MOSMO: variants seen among roughly 807,000 people sequenced by gnomAD.
MOSMO encodes the protein modulator of smoothened.
In MOSMO, 5 loss-of-function variants were observed where a neutral mutation model predicts 18.4. The ratio of observed to expected loss-of-function variants is 0.27; its 90% CI spans 0.14 to 0.57. The LOEUF is 0.57. Ranked by LOEUF, MOSMO falls within the 20% of genes least tolerant of loss-of-function variation. The probability of loss-of-function intolerance (pLI) is 0.92; values close to 1 mark genes in which losing one functional copy is unlikely to be tolerated. For synonymous variants in MOSMO, 82 were observed against 82.3 expected (o/e 1.00, Z 0.02); for missense variants, 138 against 211.8 (o/e 0.65, Z 2.16).
rs372127008 is a variant in MOSMO, at chr16:22,037,793, G to A, written c.106+29386G>A. Among the ~76,000 whole-genome samples, 15 of 152,254 alleles carry A rather than the reference G, an allele frequency of 9.9e-5. 1 individual carries two copies. The East Asian group carries it at 1.2e-3, about 12-fold the overall frequency. On this transcript the variant is annotated intron_variant, in intron 1 of 2. Coordinates refer to ENST00000542527, the MANE Select transcript of MOSMO (RefSeq NM_001164579.2). ...TAGGGCAAGGCATGTGGGAAGGGGC[G>A]GGAAGCTTCCGTGCCCTCTCCTGGC...
At chr16:22,022,906 T>TCTC in intron 1 of MOSMO, among the ~76,000 whole-genome samples, 1 of 152,328 alleles carries the variant, frequency 6.6e-6, no homozygotes, top group Non-Finnish European at 1.5e-5. Flanking sequence ...TAATTGCTTT[T>TCTC]AAGCCACCTG....
At chr16:22,043,057 G>A (rs1900240382) in intron 1 of MOSMO, among the ~76,000 whole-genome samples, 1 of 152,076 alleles carries the variant, frequency 6.6e-6, no homozygotes, top group Non-Finnish European at 1.5e-5. Flanking sequence ...ATTAACAGTG[G>A]GACTATTGAC....
intron 1 of MOSMO, among the ~76,000 whole-genome samples, chr16:22,034,771 T>G (rs1204818427): frequency 7.0e-6 from 1 of 142,760 alleles, no homozygotes; most frequent in Non-Finnish European, 1.6e-5. Flanking sequence ...TTTTTTTTTT[T>G]TTTAAAGACA....
At chr16:22,013,669 A>C (rs1193839573) in intron 1 of MOSMO, among the ~76,000 whole-genome samples, 3 of 152,066 alleles carry the variant, frequency 2.0e-5, no homozygotes, top group Non-Finnish European at 4.4e-5. Flanking sequence ...GATTTGCCTT[A>C]TGTTCTTTAT....
chr16:22,092,044 TG>T (rs1430175297), downstream of MOSMO, among the ~76,000 whole-genome samples: 1 of 152,186 alleles, frequency 6.6e-6, no homozygotes, highest in Non-Finnish European at 1.5e-5. Context: ...TAGGAACCAC[TG>T]TGGCAGATGA....
rs549389825 is a variant in MOSMO, at chr16:22,018,055, G to A, written c.106+9648G>A. On this transcript the variant is annotated intron_variant, in intron 1 of 2. Transcript: ENST00000542527. Reference sequence around the variant, plus strand: ...GAATCACTGCTTTTTTTTTTAATTAGCAAAAGGCTGCACTTTGTGTGTCTC... The same window carrying A: ...GAATCACTGCTTTTTTTTTTAATTAACAAAAGGCTGCACTTTGTGTGTCTC... Among the ~76,000 whole-genome samples, 160 of 151,700 alleles carry A rather than the reference G, an allele frequency of 1.1e-3. 1 individual carries two copies. The highest frequency in any genetic ancestry group is 3.7e-3 in the African/African-American group (154 of 41,344).
chr16:22,048,959 C>G (rs1474528385), intron 1 of MOSMO, among the ~76,000 whole-genome samples: 1 of 152,050 alleles, frequency 6.6e-6, no homozygotes, highest in East Asian at 1.9e-4. Context: ...AGCCCTTTTT[C>G]TCCCCTGATA....
chr16:22,031,113 G>T (rs570130538), intron 1 of MOSMO, among the ~76,000 whole-genome samples: 2 of 152,174 alleles, frequency 1.3e-5, no homozygotes, highest in Non-Finnish European at 2.9e-5. Flanking sequence ...CTACATAGAG[G>T]AATGACATCT....
In MOSMO at chr16:22,051,386, C is replaced by CA. The variant is rs1201679331; in HGVS notation, c.107-24091dup. Among the ~76,000 whole-genome samples, 268 of 139,136 alleles carry CA rather than the reference C, an allele frequency of 1.9e-3. 1 individual carries two copies. The highest frequency in any genetic ancestry group is 6.7e-3 in the South Asian group (27 of 4,000). 91.3% of individuals were successfully genotyped at this position (139,136 alleles called of 152,430 possible). A position where few individuals can be genotyped will look rare whatever the true frequency, so the allele number is the denominator to read the frequency against. On this transcript the variant is annotated intron_variant, in intron 1 of 2. Coordinates refer to ENST00000542527, the MANE Select transcript of MOSMO (RefSeq NM_001164579.2). The stretch of plus-strand genomic sequence containing the variant: ...GGGCGACAGAGCAAGACTCCATCTC[C>CA]AAAAAAAAAAGGACTCTACAGAAAA...
chr16:22,043,350 T>G (rs1296009755), intron 1 of MOSMO, among the ~76,000 whole-genome samples: 1 of 152,212 alleles, frequency 6.6e-6, no homozygotes, highest in African/African-American at 2.4e-5. Flanking sequence ...GCAGTACATT[T>G]CCATTTCTGA....
chr16:22,085,024 A>G (rs997404304), downstream of MOSMO: 5 of 152,230 alleles, frequency 3.3e-5, no homozygotes, highest in African/African-American at 7.2e-5. Flanking sequence ...ACCCAAGTCC[A>G]TCTTTGCTTC....
intron 1 of MOSMO, among the ~76,000 whole-genome samples, chr16:22,034,044 G>A (rs1294222700): frequency 1.3e-5 from 2 of 152,060 alleles, no homozygotes; most frequent in East Asian, 1.9e-4. Flanking sequence ...CGGACCACGG[G>A]GACACTCTAT....
downstream of MOSMO, among the ~76,000 whole-genome samples, chr16:22,088,428 T>C (rs1392251837): frequency 6.6e-6 from 1 of 152,242 alleles, no homozygotes. Flanking sequence ...TCTTCCCATT[T>C]TGATGTACAT....
intron 1 of MOSMO, among the ~76,000 whole-genome samples, chr16:22,067,691 G>C (rs1053204635): frequency 6.6e-6 from 1 of 151,974 alleles, no homozygotes; most frequent in Admixed American, 6.6e-5. Context: ...GAAGCATGTT[G>C]TTTAGTAGAG....
intron 1 of MOSMO, among the ~76,000 whole-genome samples, chr16:22,023,997 T>TTATATATATATATATATATATATA (rs72336979): frequency 0.018 from 2,321 of 125,662 alleles, 138 homozygotes; most frequent in African/African-American, 0.065. Context: ...TTTGTACAAA[T>TTATATATATATATATATATATATA]TATATATATA....
chr16:22,050,429 C>T (rs1324581714), intron 1 of MOSMO, among the ~76,000 whole-genome samples: 4 of 152,140 alleles, frequency 2.6e-5, no homozygotes, highest in Non-Finnish European at 5.9e-5. Flanking sequence ...CAGTTTTGGC[C>T]ACTCCATCTC....
chr16:22,024,539 G>T (rs1347752822), intron 1 of MOSMO, among the ~76,000 whole-genome samples: 1 of 151,772 alleles, frequency 6.6e-6, no homozygotes, highest in Non-Finnish European at 1.5e-5. Flanking sequence ...GCTAATTTTC[G>T]TATTTTTAGC....
chr16:22,065,146 A>T (rs907192692), intron 1 of MOSMO, among the ~76,000 whole-genome samples: 3 of 152,160 alleles, frequency 2.0e-5, no homozygotes, highest in African/African-American at 7.2e-5. Context: ...ATAAGCTGTA[A>T]TGTGAGGGCA....
chr16:22,081,020 GA>G lies in MOSMO; in HGVS notation c.*149del, dbSNP rs142136686. On this transcript the variant is annotated 3_prime_UTR_variant, in exon 3 of 3. Transcript: ENST00000542527. Reference sequence around the variant, plus strand: ...CTCAGATGAAACTGATGCTGAGAAGGAAAAAAAAATGCTTTGGTTTGTTCTC... The same window carrying G: ...CTCAGATGAAACTGATGCTGAGAAGGAAAAAAAATGCTTTGGTTTGTTCTC... 4.2e-4 allele frequency: 135 copies of G among 322,026 alleles called. No individual in the cohort carries two copies. Among genetic ancestry groups the G allele is most frequent in the Middle Eastern group, 2.5e-3 (3 of 1,186 alleles). The allele number at this position is 322,026 out of a possible 1,614,324, so 19.9% of individuals were successfully genotyped here. A position where few individuals can be genotyped will look rare whatever the true frequency, so the allele number is the denominator to read the frequency against.
Sources: gnomAD v4.1 joint callset for allele counts (sites outside exome capture counted in the v4.1 genomes callset) on GRCh38, gnomAD v4.1.1 for gene constraint, MANE v1.5 for transcripts, NCBI Gene and HGNC (gene_info 2026-07-23, HGNC 2026-07-21) for gene names.